ZMAT4: variants seen among roughly 807,000 people sequenced by gnomAD.
ZMAT4 encodes the protein zinc finger matrin-type protein 4.
A neutral mutation model predicts 28.7 loss-of-function variants in ZMAT4; 17 were observed. The ratio of observed to expected loss-of-function variants is 0.59; its 90% CI spans 0.41 to 0.89. The LOEUF (loss-of-function observed/expected upper bound fraction) is 0.89, where lower values mean the gene tolerates loss of function less well. Ranked by LOEUF, ZMAT4 falls within the 40% of genes least tolerant of loss-of-function variation. ZMAT4 has a pLI of 0.00. For synonymous variants in ZMAT4, 117 were observed against 109.2 expected (o/e 1.07, Z -0.44); for missense variants, 240 against 283.8 (o/e 0.85, Z 1.11).
intron 3 of ZMAT4, among the ~76,000 whole-genome samples, chr8:40,757,473 C>A (rs1812743310): frequency 6.6e-6 from 1 of 151,704 alleles, no homozygotes; most frequent in Non-Finnish European, 1.5e-5. Context: ...GTAGTCCCAA[C>A]TACTTGGGAG....
At chr8:40,599,218 T>C (rs563707326) in intron 5 of ZMAT4, among the ~76,000 whole-genome samples, 8 of 152,298 alleles carry the variant, frequency 5.3e-5, no homozygotes, top group Non-Finnish European at 8.8e-5. Flanking sequence ...TATAGGCCCC[T>C]GGGGAATAAG....
At chr8:40,607,907 T>A (rs748679603) in intron 5 of ZMAT4, among the ~76,000 whole-genome samples, 1 of 152,086 alleles carries the variant, frequency 6.6e-6, no homozygotes, top group Non-Finnish European at 1.5e-5. Context: ...CAGCCATGGA[T>A]ACCAGCACCC....
At chr8:40,721,383 G>A (rs1214619461) in intron 3 of ZMAT4, among the ~76,000 whole-genome samples, 1 of 131,950 alleles carries the variant, frequency 7.6e-6, no homozygotes, top group African/African-American at 2.9e-5. Flanking sequence ...TATCATTGTT[G>A]GACATTTGGG....
At chr8:40,760,726 C>T (rs1812900048) in intron 3 of ZMAT4, among the ~76,000 whole-genome samples, 1 of 151,480 alleles carries the variant, frequency 6.6e-6, no homozygotes, top group African/African-American at 2.4e-5. Context: ...CTCTCTCTCT[C>T]TCTCTCTCTG....
At chr8:40,845,883 C>T (rs908698252) in intron 1 of ZMAT4, among the ~76,000 whole-genome samples, 2 of 151,796 alleles carry the variant, frequency 1.3e-5, no homozygotes, top group Admixed American at 6.6e-5. Context: ...AGGAGCGGCC[C>T]CAAAAGACAA....
intron 5 of ZMAT4, among the ~76,000 whole-genome samples, chr8:40,609,123 C>T (rs1274440660): frequency 6.6e-6 from 1 of 152,108 alleles, no homozygotes; most frequent in Non-Finnish European, 1.5e-5. Context: ...TTTTAATTTT[C>T]AATACATTGC....
chr8:40,819,782 G>A (rs569739021), intron 2 of ZMAT4, among the ~76,000 whole-genome samples: 92 of 152,096 alleles, frequency 6.0e-4, no homozygotes, highest in African/African-American at 2.2e-3. Flanking sequence ...GCTCTCTTAG[G>A]TCTACTCAGT....
In ZMAT4 at chr8:40,780,324, T is replaced by C. The variant is rs1813777635; in HGVS notation, c.103-12594A>G. Among the ~76,000 whole-genome samples the C allele has an allele frequency of 2.0e-5, 3 of 152,220 alleles. 1 individual carries two copies. The highest frequency in any genetic ancestry group is 4.4e-5 in the Non-Finnish European group (3 of 68,034). On this transcript the variant is annotated intron_variant, in intron 2 of 6. Transcript: ENST00000297737. ...ACAAAGCCTGTTTTATAATATAGTG[T>C]TGACGATCTCATGTGAATTATTAAA...
intron 5 of ZMAT4, among the ~76,000 whole-genome samples, chr8:40,597,481 C>T (rs6989637): frequency 0.21 from 31,339 of 152,154 alleles, 3,353 homozygotes; most frequent in Middle Eastern, 0.26. Context: ...CAGCTCCTTC[C>T]GGGATTCCTT....
intron 4 of ZMAT4, among the ~76,000 whole-genome samples, chr8:40,675,475 C>T (rs1327075356): frequency 2.0e-5 from 3 of 152,088 alleles, no homozygotes; most frequent in Non-Finnish European, 4.4e-5. Context: ...TTGTAATTGC[C>T]TTCAATTATT....
Position 40,833,540 on chromosome 8 carries a change from C to CAAAAAAAAAAAA in ZMAT4, c.-4-7872_-4-7861dup, listed in dbSNP as rs57458575. On this transcript the variant is annotated intron_variant, in intron 1 of 6. Transcript: ENST00000297737. Reference sequence around the variant, plus strand: ...CCGAGATCATACCACTACACTCCAGCAAAAAAAAAAAAAAAAAAGACATGA... The same window carrying CAAAAAAAAAAAA: ...CCGAGATCATACCACTACACTCCAGCAAAAAAAAAAAAAAAAAAAAAAAAAAAAAAGACATGA... Among the ~76,000 whole-genome samples, 119 of 87,040 alleles carry CAAAAAAAAAAAA rather than the reference C, an allele frequency of 1.4e-3. 4 individuals are homozygous for CAAAAAAAAAAAA. The highest frequency in any genetic ancestry group is 2.0e-3 in the Non-Finnish European group (83 of 42,164). The allele number at this position is 87,040 out of a possible 152,430, so 57.1% of individuals were successfully genotyped here.
intron 5 of ZMAT4, among the ~76,000 whole-genome samples, chr8:40,637,211 C>G (rs1440684360): frequency 1.3e-5 from 2 of 151,794 alleles, no homozygotes; most frequent in African/African-American, 4.8e-5. Flanking sequence ...AGAAGTGGTC[C>G]GAGGGAATGC....
intron 5 of ZMAT4, among the ~76,000 whole-genome samples, chr8:40,664,450 A>T (rs1808321875): frequency 6.6e-6 from 1 of 152,190 alleles, no homozygotes; most frequent in Non-Finnish European, 1.5e-5. Context: ...CACCACCATG[A>T]TCCAAGTATA....
chr8:40,580,216 G>C (rs569471804), intron 6 of ZMAT4, among the ~76,000 whole-genome samples: 1 of 152,016 alleles, frequency 6.6e-6, no homozygotes, highest in South Asian at 2.1e-4. Context: ...GTTTCACCGT[G>C]TTGGCCAGGA....
At chr8:40,813,039 T>C (rs997229064) in intron 2 of ZMAT4, among the ~76,000 whole-genome samples, 1 of 151,498 alleles carries the variant, frequency 6.6e-6, no homozygotes, top group Non-Finnish European at 1.5e-5. Context: ...TTAATACTGG[T>C]TCATTAGCTG....
At chr8:40,862,443 A>T in intron 1 of ZMAT4, among the ~76,000 whole-genome samples, 1 of 123,434 alleles carries the variant, frequency 8.1e-6, no homozygotes, top group Non-Finnish European at 1.7e-5. Flanking sequence ...GGGGGGAGGG[A>T]TAGCATTGGG....
intron 2 of ZMAT4, among the ~76,000 whole-genome samples, chr8:40,803,626 G>A (rs1391005073): frequency 6.6e-6 from 1 of 152,184 alleles, no homozygotes; most frequent in East Asian, 1.9e-4. Context: ...ATCATTGCTG[G>A]TGGAGATGTA....
At chr8:40,540,691 A>C (rs1314278184) in intron 6 of ZMAT4, among the ~76,000 whole-genome samples, 3 of 152,252 alleles carry the variant, frequency 2.0e-5, no homozygotes, top group African/African-American at 7.2e-5. Flanking sequence ...CAGAGCTTGC[A>C]GCTGACATCT....
intron 4 of ZMAT4, among the ~76,000 whole-genome samples, chr8:40,691,488 G>A (rs60697379): frequency 0.22 from 32,870 of 151,560 alleles, 3,984 homozygotes; most frequent in East Asian, 0.4. Context: ...TTCAACCTCA[G>A]CTGGGAATGT....
Sources: allele counts gnomAD v4.1 joint callset (sites outside exome capture counted in the v4.1 genomes callset), GRCh38; gene constraint gnomAD v4.1.1; transcripts MANE v1.5; gene names NCBI Gene and HGNC (gene_info 2026-07-23, HGNC 2026-07-21).